The following AGPS variants were observed in gnomAD, a reference collection of about 807,000 sequenced individuals.
AGPS encodes the protein alkyldihydroxyacetonephosphate synthase, peroxisomal.
A neutral mutation model predicts 90.7 loss-of-function variants in AGPS; 26 were observed. The ratio of observed to expected loss-of-function variants is 0.29; its 90% CI spans 0.21 to 0.40. The LOEUF (loss-of-function observed/expected upper bound fraction) is 0.40. Ranked by LOEUF, AGPS falls within the 10% of genes least tolerant of loss-of-function variation. AGPS has a pLI of 1.00. For missense variants in AGPS, 540 were observed against 816.1 expected (o/e 0.66, Z 4.12); for synonymous variants, 294 against 285.3 (o/e 1.03, Z -0.31).
intron 16 of AGPS, among the ~76,000 whole-genome samples, chr2:177,513,004 C>T (rs1031593145): frequency 6.6e-6 from 1 of 151,822 alleles, no homozygotes; most frequent in Admixed American, 6.6e-5. Flanking sequence ...CCACCTTGCC[C>T]AACTAATTTT....
chr2:177,506,094 CAA>C (rs1688702456), intron 15 of AGPS, among the ~76,000 whole-genome samples: 1 of 151,778 alleles, frequency 6.6e-6, no homozygotes, highest in Non-Finnish European at 1.5e-5. Flanking sequence ...CTTATTATCT[CAA>C]GTCTGTTGTA....
intron 11 of AGPS, 66 bp from the exon 12 acceptor site, chr2:177,493,082 C>A: frequency 7.4e-7 from 1 of 1,359,358 alleles, no homozygotes; most frequent in Non-Finnish European, 1.0e-6. Flanking sequence ...ATAATATTCA[C>A]ATTCTACCTG....
chr2:177,512,613 G>C (rs995095501), intron 16 of AGPS, among the ~76,000 whole-genome samples: 7 of 152,122 alleles, frequency 4.6e-5, no homozygotes, highest in Non-Finnish European at 1.0e-4. Context: ...CCAACCTTTT[G>C]AGTTTTTCTG....
At chr2:177,481,656 T>C (rs1351397747) in intron 10 of AGPS, among the ~76,000 whole-genome samples, 1 of 151,998 alleles carries the variant, frequency 6.6e-6, no homozygotes, top group African/African-American at 2.4e-5. Flanking sequence ...GCCCAATAAA[T>C]TGTTTTTAAG....
chr2:177,477,363 A>G (rs189578852), intron 10 of AGPS, among the ~76,000 whole-genome samples: 15 of 152,226 alleles, frequency 9.9e-5, no homozygotes, highest in African/African-American at 7.2e-5. Context: ...ATACATTGCT[A>G]ACATTACCAC....
intron 19 of AGPS, among the ~76,000 whole-genome samples, chr2:177,524,561 A>G (rs1022649418): frequency 6.6e-6 from 1 of 151,688 alleles, no homozygotes; most frequent in Admixed American, 6.6e-5. Flanking sequence ...AGATTTTTAA[A>G]TAGTTTTTAG....
At chr2:177,426,367 A>G (rs772117801) in intron 2 of AGPS, among the ~76,000 whole-genome samples, 6 of 152,100 alleles carry the variant, frequency 3.9e-5, no homozygotes, top group Non-Finnish European at 5.9e-5. Context: ...CTCTCTTCCT[A>G]TTTGAATTTT....
chr2:177,447,459 G>A (rs932844661), intron 8 of AGPS, among the ~76,000 whole-genome samples: 15 of 151,924 alleles, frequency 9.9e-5, no homozygotes, highest in African/African-American at 3.6e-4. Context: ...CCTCTAAAAA[G>A]TCCTGTATCA....
chr2:177,523,188 A>G (rs189160557), intron 18 of AGPS, among the ~76,000 whole-genome samples: 2 of 152,374 alleles, frequency 1.3e-5, no homozygotes, highest in East Asian at 3.9e-4. Flanking sequence ...TAGGTTTAAT[A>G]AAGACTCTAA....
chr2:177,468,094 G>A (rs775369118), intron 9 of AGPS, among the ~76,000 whole-genome samples: 4 of 151,996 alleles, frequency 2.6e-5, no homozygotes, highest in African/African-American at 4.8e-5. Flanking sequence ...TTTTGAGTCC[G>A]TTAGTTCTGT....
chr2:177,413,709 T>C (rs1685687285), intron 1 of AGPS, among the ~76,000 whole-genome samples: 1 of 152,214 alleles, frequency 6.6e-6, no homozygotes, highest in South Asian at 2.1e-4. Flanking sequence ...CCTCATTACG[T>C]AGATCAACAC....
intron 2 of AGPS, among the ~76,000 whole-genome samples, chr2:177,427,837 A>G (rs1031025505): frequency 3.9e-5 from 6 of 152,166 alleles, no homozygotes; most frequent in Non-Finnish European, 8.8e-5. Context: ...GTAGATGTCT[A>G]TCAAGTCTGC....
chr2:177,536,015 C>A (rs1438688650), intron 19 of AGPS, among the ~76,000 whole-genome samples: 1 of 151,912 alleles, frequency 6.6e-6, no homozygotes, highest in African/African-American at 2.4e-5. Context: ...ATCCTTCTGA[C>A]AGAAGTAATG....
intron 1 of AGPS, among the ~76,000 whole-genome samples, chr2:177,397,589 A>T (rs1304376654): frequency 1.3e-5 from 2 of 151,726 alleles, no homozygotes; most frequent in Non-Finnish European, 2.9e-5. Flanking sequence ...CTCCAACCTC[A>T]TTGTGGTTTG....
intron 19 of AGPS, among the ~76,000 whole-genome samples, chr2:177,537,386 TAAAAGC>T (rs1166482193): frequency 2.0e-5 from 3 of 152,126 alleles, no homozygotes; most frequent in Non-Finnish European, 4.4e-5. Context: ...GTACAGTATG[TAAAAGC>T]AAAAGATTAA....
At chr2:177,436,514 C>T (rs1479763212) in intron 3 of AGPS, among the ~76,000 whole-genome samples, 1 of 151,856 alleles carries the variant, frequency 6.6e-6, no homozygotes, top group Non-Finnish European at 1.5e-5. Flanking sequence ...AGCTTTCTCC[C>T]AGTCTCCTTA....
chr2:177,452,836 T>G (rs933013103), intron 8 of AGPS, among the ~76,000 whole-genome samples: 1 of 152,144 alleles, frequency 6.6e-6, no homozygotes, highest in African/African-American at 2.4e-5. Flanking sequence ...AGTTTTTGTT[T>G]TGTTTTAGGA....
chr2:177,396,942 C>CTTTTTTTTTTTTTTTTTTTTTTTTTTTTT (rs757187515), intron 1 of AGPS, among the ~76,000 whole-genome samples: 2 of 140,572 alleles, frequency 1.4e-5, no homozygotes, highest in East Asian at 4.3e-4. Flanking sequence ...TTTTTCTTTT[C>CTTTTTTTTTTTTTTTTTTTTTTTTTTTTT]TTTTTTTTTT....
At chr2:177,462,225 C>G (rs1283558289) in intron 9 of AGPS, among the ~76,000 whole-genome samples, 1 of 151,330 alleles carries the variant, frequency 6.6e-6, no homozygotes, top group African/African-American at 2.4e-5. Flanking sequence ...CCCGTCTCTA[C>G]TAAAAATACA....
Sources: gnomAD v4.1 joint callset for allele counts (sites outside exome capture counted in the v4.1 genomes callset) on GRCh38, gnomAD v4.1.1 for gene constraint, MANE v1.5 for transcripts, NCBI Gene and HGNC (gene_info 2026-07-23, HGNC 2026-07-21) for gene names.